CHLSN: variants seen among roughly 807,000 people sequenced by gnomAD.
CHLSN encodes the protein cholesin, also known as protein cholesin.
At chr7:1,006,584 A>G in the CHLSN span, among the ~76,000 whole-genome samples, 40 of 128,908 alleles carry the variant, frequency 3.1e-4, no homozygotes, top group South Asian at 7.8e-4. Flanking sequence ...GCCACAGCGC[A>G]GGGAAAGAGC....
the CHLSN span, chr7:986,579 C>T: frequency 1.2e-6 from 2 of 1,605,684 alleles, no homozygotes; most frequent in South Asian, 1.1e-5. Flanking sequence ...AGCGTGCAGC[C>T]CTGGGGCTGC....
At chr7:1,008,376 C>T in the CHLSN span, among the ~76,000 whole-genome samples, 1 of 152,222 alleles carries the variant, frequency 6.6e-6, no homozygotes, top group Admixed American at 6.5e-5. Context: ...GAGGCAGCAG[C>T]CTCACACCAC....
chr7:1,021,783 T>C, the CHLSN span, among the ~76,000 whole-genome samples: 2 of 152,122 alleles, frequency 1.3e-5, no homozygotes, highest in East Asian at 1.9e-4. Context: ...AAAGAAAGCA[T>C]GCGGCAAAAA....
At chr7:1,071,921 G>A in the CHLSN span, among the ~76,000 whole-genome samples, 2 of 152,210 alleles carry the variant, frequency 1.3e-5, no homozygotes, top group Non-Finnish European at 2.9e-5. Context: ...CAGGCCGCAC[G>A]GCCGCAGCAC....
the CHLSN span, chr7:1,093,092 C>T: frequency 0.012 from 8,403 of 676,300 alleles, 458 homozygotes; most frequent in African/African-American, 0.12. Flanking sequence ...GCGCTCGCCC[C>T]GCAGGGTCCA....
chr7:981,959 G>A, the CHLSN span, among the ~76,000 whole-genome samples: 6 of 152,294 alleles, frequency 3.9e-5, no homozygotes, highest in South Asian at 4.2e-4. Context: ...CTTGAGCCCC[G>A]GAGGTGGAGG....
the CHLSN span, among the ~76,000 whole-genome samples, chr7:1,107,186 A>G: frequency 9.8e-4 from 150 of 152,288 alleles, no homozygotes; most frequent in African/African-American, 3.5e-3. Flanking sequence ...AGCAAGGCCA[A>G]CACCCACCCG....
the CHLSN span, among the ~76,000 whole-genome samples, chr7:1,094,088 C>G: frequency 1.4e-4 from 22 of 152,368 alleles, 1 homozygote; most frequent in Non-Finnish European, 4.4e-5. Flanking sequence ...TGTCCAGCAG[C>G]CTGTGCGACC....
chr7:1,016,964 A>ACACAGCAGCGCACGCCAGTG, the CHLSN span, among the ~76,000 whole-genome samples: 1 of 122,764 alleles, frequency 8.1e-6, no homozygotes, highest in African/African-American at 3.2e-5. Flanking sequence ...GCACAGCAGC[A>ACACAGCAGCGCACGCCAGTG]CACGCCAGCA....
At chr7:996,508 G>A in the CHLSN span, among the ~76,000 whole-genome samples, 12 of 152,300 alleles carry the variant, frequency 7.9e-5, no homozygotes, top group East Asian at 1.9e-4. Context: ...AGGCGGCCCC[G>A]GGGCAGCAGC....
At chr7:1,103,750 C>G in the CHLSN span, among the ~76,000 whole-genome samples, 2 of 152,244 alleles carry the variant, frequency 1.3e-5, no homozygotes, top group Non-Finnish European at 2.9e-5. Context: ...CCCGTGTACT[C>G]TCATGGCATC....
chr7:1,134,550 C>G, the CHLSN span, among the ~76,000 whole-genome samples: 2 of 150,546 alleles, frequency 1.3e-5, no homozygotes, highest in Non-Finnish European at 2.9e-5. Flanking sequence ...GCATGGGTAA[C>G]AGAGTGACAC....
chr7:1,028,340 C>T, the CHLSN span: 2 of 1,019,066 alleles, frequency 2.0e-6, no homozygotes, highest in Non-Finnish European at 2.4e-6. Context: ...CCGGCCCGCG[C>T]CTCCAGCAGC....
the CHLSN span, among the ~76,000 whole-genome samples, chr7:1,011,324 C>T: frequency 1.4e-5 from 2 of 148,036 alleles, no homozygotes; most frequent in Admixed American, 6.7e-5. Flanking sequence ...CCCCCACATG[C>T]CACACACCCA....
the CHLSN span, among the ~76,000 whole-genome samples, chr7:989,896 G>T: frequency 6.9e-6 from 1 of 144,208 alleles, no homozygotes; most frequent in African/African-American, 2.6e-5. Flanking sequence ...TGTGAGTGGC[G>T]CGTGTGCTGG....
chr7:1,127,747 G>A, the CHLSN span, among the ~76,000 whole-genome samples: 25 of 50,374 alleles, frequency 5.0e-4, no homozygotes, highest in African/African-American at 2.2e-3. Context: ...GCAGTGGCGC[G>A]ATCTCAGCTC....
At chr7:986,705 ATT>A in the CHLSN span, 1 of 1,612,310 alleles carries the variant, frequency 6.2e-7, no homozygotes, top group Non-Finnish European at 8.5e-7. Context: ...GGTCCGTGCC[ATT>A]CTGAGGACCC....
the CHLSN span, chr7:1,127,474 C>A: frequency 2.5e-6 from 3 of 1,202,832 alleles, no homozygotes; most frequent in Non-Finnish European, 3.4e-6. Context: ...GTAGGGCACT[C>A]TCCCATTAAA....
At chr7:987,892 A>G in the CHLSN span, among the ~76,000 whole-genome samples, 2 of 108,892 alleles carry the variant, frequency 1.8e-5, no homozygotes, top group African/African-American at 8.2e-5. Context: ...GTGTGTCCTG[A>G]GGGGTCCCCT....
Sources: allele counts gnomAD v4.1 joint callset (sites outside exome capture counted in the v4.1 genomes callset), GRCh38; gene constraint gnomAD v4.1.1; transcripts MANE v1.5; gene names NCBI Gene and HGNC (gene_info 2026-07-23, HGNC 2026-07-21).